EDRF1: variants seen among roughly 807,000 people sequenced by gnomAD.
EDRF1 encodes the protein erythroid differentiation regulatory factor 1.
EDRF1 carries 69 observed loss-of-function variants against 148.7 expected under a neutral mutation model. That is an observed-to-expected ratio of 0.46 (90% CI 0.38 to 0.57). The LOEUF (loss-of-function observed/expected upper bound fraction) is 0.57, where lower values mean the gene tolerates loss of function less well. Among genes scored for constraint, EDRF1 ranks in the 20% least tolerant of loss-of-function variants. The pLI is 0.00. For missense variants in EDRF1, 1,118 were observed against 1,478.7 expected (o/e 0.76, Z 4.00); for synonymous variants, 515 against 532.8 (o/e 0.97, Z 0.46).
rs1261430599 is a variant in EDRF1 at position 125,723,752 on chromosome 10, A to G, written c.385-59A>G. 44 of 1,531,506 alleles carry G rather than the reference A, an allele frequency of 2.9e-5. No individual in the cohort carries two copies. The East Asian group carries it at 3.8e-4, about 13-fold the overall frequency. 94.9% of individuals were successfully genotyped at this position (1,531,506 alleles called of 1,614,324 possible). On this transcript the variant is annotated intron_variant, in intron 3 of 24. Transcript: ENST00000356792. ...AAAATGAATGAAGCTAAAATTTAAA[A>G]GATTCCAAATCACACTAAAACAGTC...
chr10:125,752,272 C>A (rs1849683253), intron 22 of EDRF1, among the ~76,000 whole-genome samples: 1 of 152,242 alleles, frequency 6.6e-6, no homozygotes, highest in African/African-American at 2.4e-5. Flanking sequence ...CTACTGCACA[C>A]CGCACACAAT....
At chr10:125,757,156 T>C (rs751474169) in intron 24 of EDRF1, 28 of 253,016 alleles carry the variant, frequency 1.1e-4, no homozygotes, top group Non-Finnish European at 2.0e-4. Context: ...TTGGTGTCTC[T>C]AGACCATTCA....
chr10:125,728,191 C>CAA lies in EDRF1; in HGVS notation c.793-797_793-796dup, dbSNP rs36039615. Among the ~76,000 whole-genome samples the CAA allele has an allele frequency of 4.1e-3, 532 of 128,832 alleles. 4 individuals carry two copies. The highest frequency in any genetic ancestry group is 0.011 in the African/African-American group (337 of 31,588). 84.5% of individuals were successfully genotyped at this position (128,832 alleles called of 152,430 possible). A position where few individuals can be genotyped will look rare whatever the true frequency, so the allele number is the denominator to read the frequency against. The stretch of plus-strand genomic sequence containing the variant: ...CACTCTGGCCTGGGCAACTCTGTCT[C>CAA]AAAAAAAAAAAAAAAAGTATTCCAG... On this transcript the variant is annotated intron_variant, in intron 6 of 24. Transcript: ENST00000356792.
chr10:125,750,461 G>T (rs2133750360), intron 22 of EDRF1: 1 of 152,298 alleles, frequency 6.6e-6, no homozygotes, highest in East Asian at 1.9e-4. Context: ...TCCCGCAGAG[G>T]AGTCTTTTGA....
At chr10:125,757,790 A>G (rs1849987356) in intron 24 of EDRF1, among the ~76,000 whole-genome samples, 1 of 152,224 alleles carries the variant, frequency 6.6e-6, no homozygotes, top group Admixed American at 6.5e-5. Context: ...ACCAGAAGCC[A>G]GCTGTGTTTC....
chr10:125,735,131 T>C (rs2133700521), intron 12 of EDRF1, among the ~76,000 whole-genome samples: 1 of 152,264 alleles, frequency 6.6e-6, no homozygotes, highest in East Asian at 1.9e-4. Context: ...ATGGGTTAAA[T>C]GGTCATATAT....
chr10:125,741,314 G>GTAGT, intron 17 of EDRF1, 113 bp downstream of exon 17: 1 of 1,023,988 alleles, frequency 9.8e-7, no homozygotes, highest in South Asian at 1.4e-5. Flanking sequence ...TATTTGCTCT[G>GTAGT]TATTTATTTA....
chr10:125,723,661 TGC>T (rs1848114283), intron 3 of EDRF1, 148 bp from the exon 4 acceptor site: 1 of 766,676 alleles, frequency 1.3e-6, no homozygotes, highest in Admixed American at 2.8e-5. Flanking sequence ...TCTGTGTGTT[TGC>T]ATGTAGCTTT....
chr10:125,721,466 C>G, intron 2 of EDRF1, 54 bp downstream of exon 2: 1 of 1,517,888 alleles, frequency 6.6e-7, no homozygotes, highest in Middle Eastern at 1.7e-4. Context: ...ACTTAAAACT[C>G]TTATTTGCTT....
rs375711241 is a variant in EDRF1, at chr10:125,745,949, T to C, written c.2814+19T>C. On this transcript the variant is annotated intron_variant, in intron 19 of 24. Transcript: ENST00000356792. The stretch of plus-strand genomic sequence containing the variant: ...TAATAAGGTAACACATTCGCGTACA[T>C]GTTGGGCCTCACCCATTCACACCTG... The C allele has an allele frequency of 6.8e-6, 11 of 1,610,618 alleles. No homozygotes were observed. The highest frequency in any genetic ancestry group is 5.3e-5 in the African/African-American group (4 of 74,848).
intron 15 of EDRF1, among the ~76,000 whole-genome samples, chr10:125,739,700 T>C (rs559749803): frequency 6.6e-6 from 1 of 152,314 alleles, no homozygotes; most frequent in East Asian, 1.9e-4. Flanking sequence ...ATGAGAAACC[T>C]TCAGGCTGGG....
At chr10:125,749,101 C>A in intron 21 of EDRF1, 1 of 365,732 alleles carries the variant, frequency 2.7e-6, no homozygotes, top group South Asian at 2.6e-5. Context: ...AAAAAATTAG[C>A]CAAGCAGTAG....
chr10:125,743,394 T>A, intron 18 of EDRF1, 118 bp downstream of exon 18: 14 of 763,932 alleles, frequency 1.8e-5, no homozygotes, highest in Non-Finnish European at 2.9e-5. Context: ...AGGTGCTCTA[T>A]TAGAGAACCT....
At chr10:125,744,103 A>C (rs1299910686) in intron 18 of EDRF1, among the ~76,000 whole-genome samples, 1 of 152,170 alleles carries the variant, frequency 6.6e-6, no homozygotes, top group Non-Finnish European at 1.5e-5. Flanking sequence ...AGCCGTGAGA[A>C]TAGATAAGAA....
intron 15 of EDRF1, 123 bp from the exon 16 acceptor site, chr10:125,740,340 G>GTAT (rs1848952819): frequency 1.0e-6 from 1 of 1,002,182 alleles, no homozygotes; most frequent in African/African-American, 1.6e-5. Flanking sequence ...GTAAAGCATA[G>GTAT]TATTTACCAG....
intron 9 of EDRF1, among the ~76,000 whole-genome samples, chr10:125,730,992 A>G (rs1318880350): frequency 1.3e-5 from 2 of 152,048 alleles, no homozygotes; most frequent in African/African-American, 4.8e-5. Context: ...AAAACAACGC[A>G]CACACTTAGT....
At chr10:125,748,108 A>T (rs1036074816) in intron 21 of EDRF1, 96 bp downstream of exon 21, 22 of 1,447,266 alleles carry the variant, frequency 1.5e-5, no homozygotes, top group African/African-American at 2.8e-5. Flanking sequence ...GTCTTCCTTG[A>T]CGTCCACTCA....
chr10:125,738,967 A>G (rs887011444), intron 15 of EDRF1, among the ~76,000 whole-genome samples: 6 of 152,240 alleles, frequency 3.9e-5, no homozygotes, highest in Admixed American at 2.6e-4. Flanking sequence ...TAAGCTACAA[A>G]TGTCACTTTT....
chr10:125,725,245 T>C, intron 4 of EDRF1, 73 bp from the exon 5 acceptor site: 2 of 1,575,618 alleles, frequency 1.3e-6, no homozygotes, highest in Non-Finnish European at 1.7e-6. Context: ...GAGCCTTTTC[T>C]GTAAGCTAGT....
Sources: gnomAD v4.1 joint callset for allele counts (sites outside exome capture counted in the v4.1 genomes callset) on GRCh38, gnomAD v4.1.1 for gene constraint, MANE v1.5 for transcripts, NCBI Gene and HGNC (gene_info 2026-07-23, HGNC 2026-07-21) for gene names.